Variants in XYLB observed in about 807,000 individuals in gnomAD.
The protein encoded by XYLB is xylulokinase.
In XYLB, 62 loss-of-function variants were observed where a neutral mutation model predicts 78.7. That is an observed-to-expected ratio of 0.79 (90% CI 0.64 to 0.97). The LOEUF (loss-of-function observed/expected upper bound fraction) is 0.97. Among genes scored for constraint, XYLB ranks in the 50% least tolerant of loss-of-function variants. The pLI is 0.00. For synonymous variants in XYLB, 245 were observed against 247.4 expected (o/e 0.99, Z 0.09); for missense variants, 687 against 676.8 (o/e 1.02, Z -0.17).
chr3:38,393,446 T>G (rs1386686444), intron 15 of XYLB, among the ~76,000 whole-genome samples: 1 of 152,224 alleles, frequency 6.6e-6, no homozygotes, highest in Non-Finnish European at 1.5e-5. Context: ...GCACCTGACC[T>G]GCACTCCTGT....
intron 15 of XYLB, among the ~76,000 whole-genome samples, chr3:38,389,426 C>T (rs868785706): frequency 3.3e-5 from 5 of 150,110 alleles, no homozygotes; most frequent in South Asian, 2.1e-4. Flanking sequence ...AAACCGCCAT[C>T]GTCATCATGG....
chr3:38,397,300 C>T, intron 17 of XYLB, 141 bp downstream of exon 17: 2 of 772,760 alleles, frequency 2.6e-6, no homozygotes, highest in Non-Finnish European at 4.5e-6. Context: ...ATTTTTCTAG[C>T]TCCCAGCAGG....
the XYLB span, among the ~76,000 whole-genome samples, chr3:38,445,705 A>G: frequency 6.6e-6 from 1 of 152,200 alleles, no homozygotes; most frequent in Non-Finnish European, 1.5e-5. Context: ...GGTTCCAGGT[A>G]AACCAACGCT....
downstream of XYLB, among the ~76,000 whole-genome samples, chr3:38,418,515 G>T (rs919647464): frequency 2.0e-5 from 3 of 152,158 alleles, no homozygotes; most frequent in African/African-American, 7.2e-5. Context: ...TAAGGTTATT[G>T]TGAAATTATT....
chr3:38,358,408 G>T (rs1405099641), intron 2 of XYLB, among the ~76,000 whole-genome samples: 1 of 142,636 alleles, frequency 7.0e-6, no homozygotes, highest in Admixed American at 7.3e-5. Flanking sequence ...GCAGTGGCAA[G>T]ATCTCAGCTC....
chr3:38,384,015 G>A (rs1707268855), intron 15 of XYLB, among the ~76,000 whole-genome samples: 2 of 152,046 alleles, frequency 1.3e-5, no homozygotes. Flanking sequence ...TCCTGCATTT[G>A]GGCACTGAGG....
At chr3:38,389,436 GC>G (rs1384995878) in intron 15 of XYLB, among the ~76,000 whole-genome samples, 1 of 152,028 alleles carries the variant, frequency 6.6e-6, no homozygotes, top group African/African-American at 2.4e-5. Context: ...CGTCATCATG[GC>G]CCGTTCTCAA....
chr3:38,441,496 G>A, the XYLB span, among the ~76,000 whole-genome samples: 3 of 152,158 alleles, frequency 2.0e-5, no homozygotes, highest in Non-Finnish European at 4.4e-5. Flanking sequence ...ACATAAATCT[G>A]GACTATAATT....
At chr3:38,393,890 A>G (rs1707769578) in intron 15 of XYLB, among the ~76,000 whole-genome samples, 1 of 152,226 alleles carries the variant, frequency 6.6e-6, no homozygotes, top group Non-Finnish European at 1.5e-5. Context: ...GGGGTTTAGG[A>G]CTTCCACATA....
rs149584222 is a variant in XYLB at position 38,352,678 on chromosome 3, G to A, written c.140+4046G>A. ...GCAAAAATTAGTCATGTGTGGTGGC[G>A]TGCACCTCTAGTCCCAGCTACACAG... On this transcript the variant is annotated intron_variant, in intron 2 of 18. Transcript: ENST00000207870. 1.4e-3 allele frequency among the ~76,000 whole-genome samples: 217 copies of A among 152,160 alleles called. 1 individual carries two copies. The highest frequency in any genetic ancestry group is 4.7e-3 in the African/African-American group (197 of 41,490).
At chr3:38,380,389 G>T (rs935767785) in intron 15 of XYLB, among the ~76,000 whole-genome samples, 4 of 152,124 alleles carry the variant, frequency 2.6e-5, no homozygotes, top group African/African-American at 9.7e-5. Flanking sequence ...TGGTCTAAGG[G>T]TCTGTAAGGA....
chr3:38,448,063 T>TC, the XYLB span, among the ~76,000 whole-genome samples: 4 of 148,210 alleles, frequency 2.7e-5, no homozygotes, highest in East Asian at 7.8e-4. Flanking sequence ...AAATTTTAAT[T>TC]AAAAAAAAAA....
At chr3:38,350,538 T>G (rs1406745052) in intron 2 of XYLB, among the ~76,000 whole-genome samples, 1 of 152,154 alleles carries the variant, frequency 6.6e-6, no homozygotes, top group Admixed American at 6.5e-5. Flanking sequence ...ACTTTTGGTT[T>G]TGTTGATTTT....
intron 18 of XYLB, 140 bp downstream of exon 18, chr3:38,401,125 A>G (rs890102978): frequency 2.7e-6 from 2 of 738,316 alleles, no homozygotes; most frequent in African/African-American, 3.5e-5. Context: ...AATTATCAAG[A>G]AAATGGAGCT....
chr3:38,361,247 C>T (rs919274348), intron 3 of XYLB, among the ~76,000 whole-genome samples: 2 of 151,946 alleles, frequency 1.3e-5, no homozygotes, highest in Non-Finnish European at 2.9e-5. Flanking sequence ...GCCACAGGAG[C>T]AGGGATGTGG....
intron 3 of XYLB, among the ~76,000 whole-genome samples, chr3:38,361,893 G>A (rs934498322): frequency 6.6e-6 from 1 of 152,232 alleles, no homozygotes; most frequent in East Asian, 1.9e-4. Flanking sequence ...AGTCTTCTCT[G>A]CCCTCAGGAA....
At chr3:38,365,545 C>T (rs978032641) in intron 5 of XYLB, 63 bp from the exon 6 acceptor site, 6 of 1,558,570 alleles carry the variant, frequency 3.8e-6, no homozygotes, top group Non-Finnish European at 4.4e-6. Flanking sequence ...GACCGCCAGC[C>T]CTGGGGCAGA....
the XYLB span, among the ~76,000 whole-genome samples, chr3:38,432,769 G>A: frequency 1.3e-5 from 2 of 152,254 alleles, no homozygotes; most frequent in African/African-American, 4.8e-5. Flanking sequence ...GATGCAAGAG[G>A]TGGGCCCCCA....
At chr3:38,371,569 C>T (rs1022063732) in intron 9 of XYLB, among the ~76,000 whole-genome samples, 13 of 152,108 alleles carry the variant, frequency 8.5e-5, no homozygotes, top group African/African-American at 2.2e-4. Context: ...CCACCGCACC[C>T]GGCCTAATTT....
Sources: gnomAD v4.1 joint callset for allele counts (sites outside exome capture counted in the v4.1 genomes callset) on GRCh38, gnomAD v4.1.1 for gene constraint, MANE v1.5 for transcripts, NCBI Gene and HGNC (gene_info 2026-07-23, HGNC 2026-07-21) for gene names.